SNRPN: variants seen among roughly 807,000 people sequenced by gnomAD.
SNRPN encodes the protein small nuclear ribonucleoprotein polypeptide N.
A neutral mutation model predicts 25.2 loss-of-function variants in SNRPN; 7 were observed. The observed-to-expected ratio is 0.28, with a 90% confidence interval of 0.16 to 0.52. SNRPN has a LOEUF of 0.52. Ranked by LOEUF, SNRPN falls within the 20% of genes least tolerant of loss-of-function variation. The probability of loss-of-function intolerance (pLI) is 0.96; values close to 1 mark genes in which losing one functional copy is unlikely to be tolerated. For synonymous variants in SNRPN, 124 were observed against 110.6 expected (o/e 1.12, Z -0.76); for missense variants, 196 against 322.5 (o/e 0.61, Z 3.00).
chr15:24,861,974 T>G lies in SNRPN; in HGVS notation c.-579+5258T>G, dbSNP rs1008183614. Among the ~76,000 whole-genome samples, 4 of 151,402 alleles carry G rather than the reference T, an allele frequency of 2.6e-5. 1 individual carries two copies. Among genetic ancestry groups the G allele is most frequent in the Non-Finnish European group, 1.5e-5 (1 of 68,046 alleles). ...GGAAGACTGATGGCAATAAAACATTTCTTAAAAAAGAGGCTGCAGCATTTT... is the reference window on the plus strand; with the variant it reads ...GGAAGACTGATGGCAATAAAACATTGCTTAAAAAAGAGGCTGCAGCATTTT... On this transcript the variant is annotated intron_variant, in intron 1 of 11. Coordinates refer to the SNRPN transcript ENST00000400097.
intron 2 of SNRPN, among the ~76,000 whole-genome samples, chr15:24,897,835 C>T (rs965191474): frequency 1.3e-5 from 2 of 152,166 alleles, no homozygotes; most frequent in Non-Finnish European, 2.9e-5. Flanking sequence ...TGAGGGCTTC[C>T]TAGCCATGTG....
rs1410187536 is a variant in SNRPN, at chr15:24,975,452, C to G, written c.98C>G (p.Ala33Gly). The change falls in exon 5 of 10, where the codon GCT (alanine) becomes GGT (glycine). Residue 33 changes from alanine to glycine, a missense_variant. Coordinates refer to ENST00000390687, the MANE Select transcript of SNRPN (RefSeq NM_003097.6). ...CGAATCTTCATTGGCACCTTTAAGGCTTTTGACAAGCATATGAATTTGATC... is the reference window on the plus strand; with the variant it reads ...CGAATCTTCATTGGCACCTTTAAGGGTTTTGACAAGCATATGAATTTGATC... ...DGRIFIGTFKAFDKHMNLILC... is the reference protein window; with the variant it reads ...DGRIFIGTFKGFDKHMNLILC... The G allele has an allele frequency of 6.2e-7, 1 of 1,613,532 alleles. No homozygotes were observed. The highest frequency in any genetic ancestry group is 1.3e-5 in the African/African-American group (1 of 74,908).
At chr15:24,923,909 G>GTGTA (rs1566917259) in intron 3 of SNRPN, among the ~76,000 whole-genome samples, 1 of 106,576 alleles carries the variant, frequency 9.4e-6, no homozygotes, top group African/African-American at 3.9e-5. Context: ...GTGTGTGTGT[G>GTGTA]TGTGTATATA....
chr15:24,910,943 A>G, intron 2 of SNRPN: 1 of 791,344 alleles, frequency 1.3e-6, no homozygotes, highest in South Asian at 1.5e-5. Flanking sequence ...GGCAGAGGAA[A>G]GTGCAGCAGC....
intron 1 of SNRPN, among the ~76,000 whole-genome samples, chr15:24,885,716 C>CTGTGTGTGTGTGTGTATG (rs1555389069): frequency 7.2e-4 from 102 of 141,734 alleles, no homozygotes; most frequent in African/African-American, 2.6e-3. Context: ...GAATCTGGGG[C>CTGTGTGTGTGTGTGTATG]TGTGTGTGTG....
At chr15:24,840,039 A>G (rs1006151923) in intron 2 of SNRPN, among the ~76,000 whole-genome samples, 2 of 152,168 alleles carry the variant, frequency 1.3e-5, no homozygotes, top group African/African-American at 4.8e-5. Context: ...ACAGTACCCA[A>G]TATCAAGTAA....
intron 2 of SNRPN, among the ~76,000 whole-genome samples, chr15:24,837,135 G>A (rs1461651053): frequency 1.3e-5 from 2 of 151,958 alleles, no homozygotes; most frequent in African/African-American, 2.4e-5. Flanking sequence ...CATGAATAGA[G>A]ATTTCAAGCT....
chr15:24,853,452 G>GAC (rs2053070370), upstream of SNRPN, among the ~76,000 whole-genome samples: 6 of 151,194 alleles, frequency 4.0e-5, no homozygotes, highest in South Asian at 1.3e-3. Flanking sequence ...GGAGTGCAGT[G>GAC]ACGCGATCTC....
chr15:24,885,753 TA>T (rs2057147305), intron 1 of SNRPN, among the ~76,000 whole-genome samples: 1 of 151,202 alleles, frequency 6.6e-6, no homozygotes, highest in African/African-American at 2.4e-5. Flanking sequence ...TGTGTGTGTG[TA>T]TGTCTGGGTG....
chr15:24,910,330 C>G (rs2059131154), intron 2 of SNRPN, among the ~76,000 whole-genome samples: 1 of 152,184 alleles, frequency 6.6e-6, no homozygotes, highest in East Asian at 1.9e-4. Context: ...AAAAGGGAAG[C>G]AGATTAGCTG....
intron 2 of SNRPN, among the ~76,000 whole-genome samples, chr15:24,901,221 T>A (rs569494668): frequency 1.6e-4 from 24 of 152,324 alleles, no homozygotes; most frequent in African/African-American, 5.1e-4. Flanking sequence ...ATCTTGCTTA[T>A]GTGATAACTT....
chr15:24,866,879 C>T (rs989950730), intron 1 of SNRPN, among the ~76,000 whole-genome samples: 2 of 147,160 alleles, frequency 1.4e-5, no homozygotes, highest in South Asian at 2.2e-4. Flanking sequence ...TTTTTATATG[C>T]CTCAGTAGTA....
At chr15:24,950,445 G>A (rs2062171623), upstream of SNRPN, among the ~76,000 whole-genome samples, 1 of 151,782 alleles carries the variant, frequency 6.6e-6, no homozygotes, top group South Asian at 2.1e-4. Context: ...AAAGTGCTGG[G>A]ATTACAGTCA....
rs550569426 is a variant in SNRPN at position 24,938,772 on chromosome 15, T to C, written c.-391+18648T>C. 2.8e-4 allele frequency among the ~76,000 whole-genome samples: 43 copies of C among 152,194 alleles called. 1 individual carries two copies. The South Asian group carries it at 8.9e-3, about 32-fold the overall frequency. Reference sequence around the variant, plus strand: ...CATAGGATGGGTTAGTTTAAATAATTCTGGTTGGCTTTGGGCTACAGGGAT... The same window carrying C: ...CATAGGATGGGTTAGTTTAAATAATCCTGGTTGGCTTTGGGCTACAGGGAT... On this transcript the variant is annotated intron_variant, in intron 3 of 11. Transcript: ENST00000400097.
In SNRPN at chr15:24,972,837, C is replaced by T. The variant is rs370894468; in HGVS notation, c.-143-1474C>T. On this transcript the variant is annotated intron_variant, in intron 3 of 9. Transcript: ENST00000390687. ...CAACAACAGACTGCATATGTCAGAG[C>T]AGTCCCTTAAGATTACAAAACCATG... 2.8e-4 allele frequency among the ~76,000 whole-genome samples: 43 copies of T among 152,220 alleles called. No individual in the cohort carries two copies. The East Asian group carries it at 5.8e-3, about 21-fold the overall frequency.
chr15:24,919,220 G>T (rs1226798686), intron 2 of SNRPN, among the ~76,000 whole-genome samples: 1 of 151,638 alleles, frequency 6.6e-6, no homozygotes, highest in East Asian at 1.9e-4. Flanking sequence ...ACGAGGTCAG[G>T]AGATTAAGAC....
intron 3 of SNRPN, among the ~76,000 whole-genome samples, chr15:24,931,017 T>C (rs1333202181): frequency 1.3e-5 from 2 of 151,952 alleles, no homozygotes; most frequent in African/African-American, 4.8e-5. Context: ...ACCACTGCAC[T>C]CCAGCCTGGG....
At chr15:24,958,693 G>C (rs1229449104) in intron 1 of SNRPN, 5 of 152,064 alleles carry the variant, frequency 3.3e-5, no homozygotes, top group African/African-American at 9.7e-5. Flanking sequence ...TATTCATGGG[G>C]TACAGATTAG....
At chr15:24,944,334 C>T (rs2061749771) in intron 3 of SNRPN, among the ~76,000 whole-genome samples, 1 of 152,192 alleles carries the variant, frequency 6.6e-6, no homozygotes, top group African/African-American at 2.4e-5. Context: ...TAGACAGTCT[C>T]ATTATACTTG....
Sources: allele counts gnomAD v4.1 joint callset (sites outside exome capture counted in the v4.1 genomes callset), GRCh38; gene constraint gnomAD v4.1.1; transcripts MANE v1.5; gene names NCBI Gene and HGNC (gene_info 2026-07-23, HGNC 2026-07-21).